FAM234B: variants seen among roughly 807,000 people sequenced by gnomAD.
FAM234B encodes the protein family with sequence similarity 234 member B.
FAM234B carries 33 observed loss-of-function variants against 69.3 expected under a neutral mutation model. That is an observed-to-expected ratio of 0.48 (90% CI 0.36 to 0.64). The LOEUF (loss-of-function observed/expected upper bound fraction) is 0.64, where lower values mean the gene tolerates loss of function less well. Among genes scored for constraint, FAM234B ranks in the 30% least tolerant of loss-of-function variants. The pLI is 0.00. For missense variants in FAM234B, 697 were observed against 769.7 expected (o/e 0.91, Z 1.12); for synonymous variants, 306 against 306.9 (o/e 1.00, Z 0.03).
In FAM234B at chr12:13,079,976, C is replaced by T. The variant is rs1449469986; in HGVS notation, c.1830C>T (p.Leu610=). ...KIGRGELRRF[L]SRIKFVEAPY... is the part of the protein sequence containing the mutation. Reference sequence around the variant, plus strand: ...GCCGTGGGGAGCTGCGAAGATTTCTCTCTAGGATAAAGTTTGTTGAAGCTC... The same window carrying T: ...GCCGTGGGGAGCTGCGAAGATTTCTTTCTAGGATAAAGTTTGTTGAAGCTC... The change falls in exon 12 of 13, where the codon CTC becomes CTT. Residue 610 remains leucine, a synonymous_variant. Transcript: ENST00000197268. The T allele has an allele frequency of 3.7e-6, 6 of 1,609,508 alleles. No homozygotes were observed. The South Asian group carries it at 5.5e-5, about 15-fold the overall frequency.
chr12:13,051,926 C>G (rs938149114), intron 1 of FAM234B, among the ~76,000 whole-genome samples: 3 of 152,226 alleles, frequency 2.0e-5, no homozygotes, highest in African/African-American at 7.2e-5. Flanking sequence ...ATTCTCATCA[C>G]AATCATATGA....
intron 5 of FAM234B, 109 bp from the exon 6 acceptor site, chr12:13,066,531 T>A: frequency 8.4e-7 from 1 of 1,186,696 alleles, no homozygotes; most frequent in South Asian, 1.8e-5. Flanking sequence ...CTTGGGGGAG[T>A]GTTTCTGAGC....
intron 11 of FAM234B, among the ~76,000 whole-genome samples, chr12:13,078,318 G>T (rs1591603911): frequency 6.6e-6 from 1 of 151,994 alleles, no homozygotes; most frequent in Non-Finnish European, 1.5e-5. Flanking sequence ...CATTGCTTTT[G>T]GTGTTTTAGA....
chr12:13,065,049 G>C (rs1865023071), intron 5 of FAM234B, among the ~76,000 whole-genome samples: 1 of 152,080 alleles, frequency 6.6e-6, no homozygotes, highest in African/African-American at 2.4e-5. Flanking sequence ...CTACTCTCTT[G>C]GTGCACTCAG....
chr12:13,069,254 A>G (rs1865075309), intron 9 of FAM234B, among the ~76,000 whole-genome samples: 1 of 152,218 alleles, frequency 6.6e-6, no homozygotes, highest in Non-Finnish European at 1.5e-5. Flanking sequence ...ATGAAGTTGC[A>G]TATTGTGAGA....
At chr12:13,066,255 G>A (rs567029655) in intron 5 of FAM234B, among the ~76,000 whole-genome samples, 4 of 152,286 alleles carry the variant, frequency 2.6e-5, no homozygotes, top group Admixed American at 1.3e-4. Context: ...GCACTGCCTC[G>A]ATTAACTCTA....
intron 2 of FAM234B, among the ~76,000 whole-genome samples, chr12:13,056,281 G>A (rs974188206): frequency 1.3e-5 from 2 of 152,296 alleles, no homozygotes; most frequent in African/African-American, 4.8e-5. Context: ...GAAAAGCAAG[G>A]TTCAAGGCCT....
At chr12:13,065,908 T>G (rs990942451) in intron 5 of FAM234B, among the ~76,000 whole-genome samples, 21 of 152,330 alleles carry the variant, frequency 1.4e-4, no homozygotes, top group Middle Eastern at 3.4e-3. Context: ...AGTCAAGATA[T>G]CAGTAAAATC....
At chr12:13,052,467 A>G (rs1184636782) in intron 1 of FAM234B, among the ~76,000 whole-genome samples, 3 of 152,182 alleles carry the variant, frequency 2.0e-5, no homozygotes, top group Non-Finnish European at 4.4e-5. Context: ...CAAAAAATAC[A>G]TACACCATAA....
chr12:13,073,924 C>T (rs1336882027), intron 10 of FAM234B, among the ~76,000 whole-genome samples: 2 of 152,200 alleles, frequency 1.3e-5, no homozygotes, highest in African/African-American at 4.8e-5. Flanking sequence ...CTATCCGCGT[C>T]TAAGCTGCTG....
At chr12:13,045,220 C>CT (rs55882440) in intron 1 of FAM234B, among the ~76,000 whole-genome samples, 1,534 of 140,044 alleles carry the variant, frequency 0.011, 24 homozygotes, top group African/African-American at 0.033. Context: ...GTTTTTTTTC[C>CT]TTTTTTTTTT....
chr12:13,053,795 A>T (rs1233469893), intron 1 of FAM234B, among the ~76,000 whole-genome samples: 1 of 152,178 alleles, frequency 6.6e-6, no homozygotes, highest in African/African-American at 2.4e-5. Flanking sequence ...GCCTGAGGGT[A>T]CCTGCAGGAG....
At position 13,058,400 on chromosome 12, in the gene FAM234B, G is replaced by A. The variant is rs747753155; in HGVS notation, c.434-51G>A. ...ATAGAGCTACTGGCAACAGAGAACT[G>A]GTTTGTGGTAACTTGCTCAGGACCT... On this transcript the variant is annotated intron_variant, in intron 2 of 12. Transcript: ENST00000197268. The A allele has an allele frequency of 8.9e-6, 13 of 1,461,268 alleles. No homozygotes were observed. In the African/African-American group the frequency reaches 1.8e-4, roughly 20 times the overall value. 90.5% of individuals were successfully genotyped at this position (1,461,268 alleles called of 1,614,324 possible).
At chr12:13,057,070 C>T (rs760409217) in intron 2 of FAM234B, among the ~76,000 whole-genome samples, 2 of 151,682 alleles carry the variant, frequency 1.3e-5, no homozygotes, top group Admixed American at 1.3e-4. Context: ...CTTCACCTCC[C>T]GCGTTCAGGT....
In FAM234B at chr12:13,081,476, C is replaced by T. The variant is rs1865225404; in HGVS notation, c.*846C>T. The T allele has an allele frequency of 6.6e-6, 1 of 152,224 alleles. No individual in the cohort carries two copies. The highest frequency in any genetic ancestry group is 2.1e-4 in the South Asian group (1 of 4,824). The allele number at this position is 152,224 out of a possible 1,614,324, so 9.4% of individuals were successfully genotyped here. A position where few individuals can be genotyped will look rare whatever the true frequency, so the allele number is the denominator to read the frequency against. ...GAAGTGTATGTTTGCATGCTGTCTTCAACTTAGAGGAGAACTGGAAGTCAG... is the reference window on the plus strand; with the variant it reads ...GAAGTGTATGTTTGCATGCTGTCTTTAACTTAGAGGAGAACTGGAAGTCAG... On this transcript the variant is annotated 3_prime_UTR_variant, in exon 13 of 13. Coordinates refer to ENST00000197268, the MANE Select transcript of FAM234B (RefSeq NM_020853.2).
At chr12:13,050,522 A>C (rs1369140266) in intron 1 of FAM234B, among the ~76,000 whole-genome samples, 1 of 152,030 alleles carries the variant, frequency 6.6e-6, no homozygotes, top group African/African-American at 2.4e-5. Context: ...GTGACCCCAG[A>C]CTTTGTCTTT....
chr12:13,073,741 G>T (rs141298407), intron 10 of FAM234B, among the ~76,000 whole-genome samples: 1 of 152,164 alleles, frequency 6.6e-6, no homozygotes, highest in African/African-American at 2.4e-5. Context: ...CCAGAATTAC[G>T]TAAACTGAAC....
chr12:13,080,471 G>C (rs999603458), intron 12 of FAM234B, among the ~76,000 whole-genome samples, 154 bp from the exon 13 acceptor site: 5 of 152,146 alleles, frequency 3.3e-5, no homozygotes, highest in African/African-American at 1.2e-4. Context: ...CAAAGTTTCT[G>C]GGCCTTTCTG....
At chr12:13,053,740 G>A (rs754872891) in intron 1 of FAM234B, among the ~76,000 whole-genome samples, 4 of 152,108 alleles carry the variant, frequency 2.6e-5, no homozygotes, top group African/African-American at 9.7e-5. Flanking sequence ...GCAGAGAACC[G>A]GTCTGACCAA....
Sources: allele counts gnomAD v4.1 joint callset (sites outside exome capture counted in the v4.1 genomes callset), GRCh38; gene constraint gnomAD v4.1.1; transcripts MANE v1.5; gene names NCBI Gene and HGNC (gene_info 2026-07-23, HGNC 2026-07-21).